The following SCAI variants were observed in gnomAD, a reference collection of about 807,000 sequenced individuals.
The protein encoded by SCAI is suppressor of cancer cell invasion.
A neutral mutation model predicts 92.2 loss-of-function variants in SCAI; 24 were observed. The ratio of observed to expected loss-of-function variants is 0.26; its 90% CI spans 0.19 to 0.37. The LOEUF (loss-of-function observed/expected upper bound fraction) is 0.37, where lower values mean the gene tolerates loss of function less well. SCAI is among the 10% of genes least tolerant of loss of function. The pLI is 1.00. For missense variants in SCAI, 450 were observed against 736.2 expected (o/e 0.61, Z 4.50); for synonymous variants, 261 against 258.6 (o/e 1.01, Z -0.09).
intron 2 of SCAI, among the ~76,000 whole-genome samples, chr9:125,064,954 T>G (rs1304768780): frequency 6.6e-6 from 1 of 152,156 alleles, no homozygotes; most frequent in Non-Finnish European, 1.5e-5. Flanking sequence ...CATTCTGAAC[T>G]GATTCACAAT....
intron 3 of SCAI, among the ~76,000 whole-genome samples, chr9:125,032,910 C>T (rs1334263439): frequency 6.6e-6 from 1 of 152,100 alleles, no homozygotes; most frequent in East Asian, 1.9e-4. Flanking sequence ...AGCCACTGCG[C>T]CCAGCCTACT....
intron 2 of SCAI, among the ~76,000 whole-genome samples, chr9:125,121,998 T>C (rs929429742): frequency 3.9e-5 from 6 of 152,182 alleles, no homozygotes; most frequent in African/African-American, 1.4e-4. Context: ...GTTATTTGTA[T>C]TTTGTCACAA....
chr9:125,020,064 CCTT>C (rs1832838578), intron 7 of SCAI, among the ~76,000 whole-genome samples: 1 of 122,922 alleles, frequency 8.1e-6, no homozygotes, highest in African/African-American at 3.2e-5. Context: ...CAGAGCGAGA[CCTT>C]GTCTCAAAAA....
chr9:125,138,249 CTTTTTTTTTTT>C (rs10570060), intron 2 of SCAI, among the ~76,000 whole-genome samples: 1 of 104,202 alleles, frequency 9.6e-6, no homozygotes, highest in Admixed American at 1.1e-4. Flanking sequence ...ACTATTATTT[CTTTTTTTTTTT>C]TTTTTTTTTT....
At chr9:124,985,917 TCA>T (rs1436972261) in intron 14 of SCAI, among the ~76,000 whole-genome samples, 2 of 148,864 alleles carry the variant, frequency 1.3e-5, no homozygotes, top group African/African-American at 4.9e-5. Flanking sequence ...ATAGAAAATA[TCA>T]CACAGACAAC....
chr9:125,057,023 A>G (rs1252916204), intron 2 of SCAI, among the ~76,000 whole-genome samples: 1 of 152,246 alleles, frequency 6.6e-6, no homozygotes, highest in Admixed American at 6.5e-5. Flanking sequence ...GTTGTCAGAC[A>G]GTATGTACAA....
chr9:124,985,945 T>A (rs1831982272), intron 14 of SCAI, among the ~76,000 whole-genome samples: 1 of 151,836 alleles, frequency 6.6e-6, no homozygotes, highest in Admixed American at 6.6e-5. Context: ...ATAAGTATGC[T>A]TATTAAGTTT....
At chr9:125,082,306 G>A (rs759013963) in intron 2 of SCAI, among the ~76,000 whole-genome samples, 1 of 152,250 alleles carries the variant, frequency 6.6e-6, no homozygotes, top group Non-Finnish European at 1.5e-5. Context: ...AAGACCTGAA[G>A]TTTGGGAACC....
intron 15 of SCAI, 93 bp downstream of exon 15, chr9:124,976,021 T>C (rs557772183): frequency 2.5e-6 from 2 of 811,816 alleles, no homozygotes; most frequent in Admixed American, 1.9e-5. Context: ...CACGCGATCA[T>C]TATGGGAGGA....
At chr9:125,051,520 G>A (rs1833560447) in intron 3 of SCAI, among the ~76,000 whole-genome samples, 1 of 152,108 alleles carries the variant, frequency 6.6e-6, no homozygotes, top group Non-Finnish European at 1.5e-5. Context: ...ATAGCTCAAA[G>A]AGCAGATTTA....
At chr9:124,975,224 C>T in intron 15 of SCAI, 3 of 374,246 alleles carry the variant, frequency 8.0e-6, no homozygotes, top group South Asian at 1.9e-5. Flanking sequence ...ACATGTTTTT[C>T]CCTGTTAAAC....
At chr9:125,031,583 T>C (rs988398600) in intron 3 of SCAI, among the ~76,000 whole-genome samples, 3 of 152,170 alleles carry the variant, frequency 2.0e-5, no homozygotes, top group Non-Finnish European at 2.9e-5. Flanking sequence ...AATAAATTCA[T>C]TGAATTTAGT....
At chr9:124,968,853 G>A (rs1831596063) in intron 17 of SCAI, 4 of 606,762 alleles carry the variant, frequency 6.6e-6, no homozygotes, top group African/African-American at 5.6e-5. Context: ...CAGGGCCCAG[G>A]TGAGCAATGT....
Position 124,968,434 on chromosome 9 carries a change from G to A in SCAI, c.1674+2936C>T, listed in dbSNP as rs77711829. On this transcript the variant is annotated intron_variant, in intron 17 of 17. Transcript: ENST00000336505. ...CAGTTTTTCTCAGTCCAGTCATAACGCTTGAGTCCACTGGATGGAGAAGAT... is the reference window on the plus strand; with the variant it reads ...CAGTTTTTCTCAGTCCAGTCATAACACTTGAGTCCACTGGATGGAGAAGAT... The A allele has an allele frequency of 7.7e-4, 827 of 1,080,546 alleles. 2 individuals are homozygous for A. The highest frequency in any genetic ancestry group is 6.4e-3 in the Middle Eastern group (31 of 4,844). 66.9% of individuals were successfully genotyped at this position (1,080,546 alleles called of 1,614,324 possible).
intron 2 of SCAI, among the ~76,000 whole-genome samples, chr9:125,071,445 T>C (rs1421818440): frequency 1.3e-5 from 2 of 151,942 alleles, no homozygotes; most frequent in Admixed American, 1.3e-4. Context: ...GAGAAATGCA[T>C]AGGTACCAAA....
chr9:125,143,266 A>AC (rs1210747309), intron 1 of SCAI, 119 bp downstream of exon 1: 2 of 210,310 alleles, frequency 9.5e-6, no homozygotes, highest in Non-Finnish European at 1.5e-5. Flanking sequence ...CCCAGCCTGC[A>AC]CCCCCCGCCC....
chr9:125,094,047 G>A (rs899548763), intron 2 of SCAI, among the ~76,000 whole-genome samples: 5 of 151,804 alleles, frequency 3.3e-5, no homozygotes, highest in Non-Finnish European at 5.9e-5. Flanking sequence ...TCCCCTTCTC[G>A]GTTGGAGCAA....
chr9:124,985,794 C>T lies in SCAI; in HGVS notation c.1326+9140G>A, dbSNP rs532493208. ...AGGAGAATTGCTTGAACCGGGGAGG[C>T]GGAGGTTGCAGTGAGGTGAGATCGC... On this transcript the variant is annotated intron_variant, in intron 14 of 17. Coordinates refer to ENST00000336505, the MANE Select transcript of SCAI (RefSeq NM_001144877.3). Among the ~76,000 whole-genome samples the T allele has an allele frequency of 1.8e-4, 27 of 149,000 alleles. 1 individual carries two copies. In the South Asian group the frequency reaches 5.3e-3, roughly 29 times the overall value.
At chr9:125,059,780 C>T (rs1297716251) in intron 2 of SCAI, among the ~76,000 whole-genome samples, 2 of 152,212 alleles carry the variant, frequency 1.3e-5, no homozygotes, top group African/African-American at 4.8e-5. Flanking sequence ...TAGCATCTGA[C>T]ATTCTTCAAA....
Sources: gnomAD v4.1 joint callset for allele counts (sites outside exome capture counted in the v4.1 genomes callset) on GRCh38, gnomAD v4.1.1 for gene constraint, MANE v1.5 for transcripts, NCBI Gene and HGNC (gene_info 2026-07-23, HGNC 2026-07-21) for gene names.